Variants in ADAMTS17 observed in about 807,000 individuals in gnomAD.
ADAMTS17 encodes the protein A disintegrin and metalloproteinase with thrombospondin motifs 17.
Under a neutral mutation model 141.5 loss-of-function variants are expected in ADAMTS17, and 113 were observed. That is an observed-to-expected ratio of 0.80 (90% confidence interval 0.69 to 0.93). ADAMTS17 has a LOEUF of 0.93. Ranked by LOEUF, ADAMTS17 falls within the 40% of genes least tolerant of loss-of-function variation. The pLI, the probability that ADAMTS17 is intolerant of heterozygous loss-of-function variation, is 0.00. For synonymous variants in ADAMTS17, 768 were observed against 630.6 expected (o/e 1.22, Z -3.27); for missense variants, 1,659 against 1,517.9 (o/e 1.09, Z -1.54).
At chr15:100,154,697 C>T (rs539512182) in intron 9 of ADAMTS17, among the ~76,000 whole-genome samples, 1 of 152,334 alleles carries the variant, frequency 6.6e-6, no homozygotes, top group African/African-American at 2.4e-5. Context: ...CAGACACCTT[C>T]TGGGAAGAAA....
intron 3 of ADAMTS17, among the ~76,000 whole-genome samples, chr15:100,282,668 A>G (rs959236059): frequency 5.3e-5 from 8 of 152,246 alleles, no homozygotes; most frequent in African/African-American, 1.9e-4. Flanking sequence ...ATAAGAGGTA[A>G]CCACTGTATT....
rs971272803 is a variant in ADAMTS17 at position 100,071,457 on chromosome 15, C to T, written c.2138-17403G>A. Among the ~76,000 whole-genome samples the T allele has an allele frequency of 1.9e-4, 28 of 149,576 alleles. 1 individual carries two copies. The highest frequency in any genetic ancestry group is 3.3e-4 in the Non-Finnish European group (22 of 67,274). On this transcript the variant is annotated intron_variant, in intron 15 of 21. Coordinates refer to ENST00000268070, the MANE Select transcript of ADAMTS17 (RefSeq NM_139057.4). ...ACAACAAAAAAAGAGAATTTTAGACCAATATCCCTGATGAACATTGATGCA... is the reference window on the plus strand; with the variant it reads ...ACAACAAAAAAAGAGAATTTTAGACTAATATCCCTGATGAACATTGATGCA...
chr15:100,056,647 C>T (rs561578388), intron 15 of ADAMTS17, among the ~76,000 whole-genome samples: 18 of 152,302 alleles, frequency 1.2e-4, no homozygotes, highest in African/African-American at 3.8e-4. Context: ...AGGGCACTCA[C>T]CTGCTGCTGT....
intron 10 of ADAMTS17, among the ~76,000 whole-genome samples, chr15:100,152,343 CTG>C (rs763821018): frequency 6.6e-5 from 10 of 152,042 alleles, no homozygotes; most frequent in Admixed American, 1.3e-4. Flanking sequence ...GTGTGGGGGA[CTG>C]TGTGTAGATG....
intron 18 of ADAMTS17, among the ~76,000 whole-genome samples, chr15:100,032,684 T>C (rs112017325): frequency 0.011 from 1,716 of 152,330 alleles, 36 homozygotes; most frequent in African/African-American, 0.039. Flanking sequence ...GGCTGTACTG[T>C]TTTTAAAATG....
Position 100,133,163 on chromosome 15 carries a change from C to T in ADAMTS17, c.1575+51G>A, listed in dbSNP as rs1301942323. The T allele has an allele frequency of 4.7e-6, 7 of 1,497,260 alleles. No individual in the cohort carries two copies. In the Admixed American group the frequency reaches 9.8e-5, roughly 21 times the overall value. The allele number at this position is 1,497,260 out of a possible 1,614,324, so 92.7% of individuals were successfully genotyped here. A position where few individuals can be genotyped will look rare whatever the true frequency, so the allele number is the denominator to read the frequency against. ...TGTGTGTCAGAAGAGGTGCCAGTTG[C>T]CTGCAAGATGTGGAGCTGCCTGTTG... is the stretch of plus-strand genomic sequence containing the variant. On this transcript the variant is annotated intron_variant, in intron 11 of 21. Coordinates refer to ENST00000268070, the MANE Select transcript of ADAMTS17 (RefSeq NM_139057.4).
At chr15:100,048,788 C>T in intron 18 of ADAMTS17, 69 bp downstream of exon 18, 1 of 1,609,730 alleles carries the variant, frequency 6.2e-7, no homozygotes, top group Non-Finnish European at 8.5e-7. Flanking sequence ...CTGCATATCA[C>T]TCCCCACCAC....
chr15:100,080,430 C>T (rs1006142173), intron 15 of ADAMTS17, among the ~76,000 whole-genome samples: 1 of 152,074 alleles, frequency 6.6e-6, no homozygotes. Context: ...TCCATTAGGG[C>T]GTCTCTTAGT....
At chr15:99,982,479 G>A (rs963645255) in intron 20 of ADAMTS17, among the ~76,000 whole-genome samples, 5 of 152,290 alleles carry the variant, frequency 3.3e-5, no homozygotes, top group East Asian at 3.9e-4. Flanking sequence ...CGACACCCTC[G>A]TAACCTGAGC....
intron 3 of ADAMTS17, among the ~76,000 whole-genome samples, chr15:100,318,128 T>C (rs1394598586): frequency 1.3e-5 from 2 of 152,136 alleles, no homozygotes; most frequent in Non-Finnish European, 2.9e-5. Flanking sequence ...TTTCAGATGA[T>C]GAGACGATGA....
At chr15:100,267,190 C>T (rs1363390894) in intron 4 of ADAMTS17, among the ~76,000 whole-genome samples, 1 of 151,948 alleles carries the variant, frequency 6.6e-6, no homozygotes, top group East Asian at 1.9e-4. Context: ...TACTTTGTTT[C>T]TATGACTTGG....
chr15:100,179,484 G>A (rs939384792), intron 8 of ADAMTS17, among the ~76,000 whole-genome samples: 26 of 152,098 alleles, frequency 1.7e-4, no homozygotes, highest in African/African-American at 6.3e-4. Flanking sequence ...CTTGGCTATT[G>A]TGACTAGTGC....
intron 3 of ADAMTS17, among the ~76,000 whole-genome samples, chr15:100,323,741 G>A (rs184633972): frequency 6.6e-6 from 1 of 152,296 alleles, no homozygotes; most frequent in Non-Finnish European, 1.5e-5. Flanking sequence ...AACTAGATTT[G>A]CATTTATTAA....
chr15:100,249,161 G>C (rs1427929734), intron 7 of ADAMTS17, among the ~76,000 whole-genome samples: 1 of 152,192 alleles, frequency 6.6e-6, no homozygotes, highest in Non-Finnish European at 1.5e-5. Context: ...CAGTACAGAG[G>C]AGTGTGGTGA....
At chr15:100,136,055 A>G (rs1261919070) in intron 10 of ADAMTS17, among the ~76,000 whole-genome samples, 1 of 152,242 alleles carries the variant, frequency 6.6e-6, no homozygotes, top group African/African-American at 2.4e-5. Flanking sequence ...ACATTCTAAT[A>G]CCCAGCAATT....
rs2060280804 is a variant in ADAMTS17 at position 99,974,563 on chromosome 15, C to T, written c.3128-1G>A. 1 of 1,614,206 alleles carries T rather than the reference C, an allele frequency of 6.2e-7. No homozygotes were observed. Among genetic ancestry groups the T allele is most frequent in the Non-Finnish European group, 8.5e-7 (1 of 1,180,034 alleles). On this transcript the variant is annotated splice_acceptor_variant, in intron 21 of 21. Transcript: ENST00000268070. LOFTEE classifies it high-confidence loss of function. Reference sequence around the variant, plus strand: ...CGTGTGCATTTGTAGGTCAGAGCAGCTAAGGGGATAGGAGAGAGAATACCC... The same window carrying T: ...CGTGTGCATTTGTAGGTCAGAGCAGTTAAGGGGATAGGAGAGAGAATACCC...
chr15:100,042,085 A>T (rs1157720138), intron 18 of ADAMTS17, among the ~76,000 whole-genome samples: 3 of 152,154 alleles, frequency 2.0e-5, no homozygotes, highest in Non-Finnish European at 4.4e-5. Flanking sequence ...CATCTGAAAC[A>T]GCCATTTGTA....
chr15:100,248,673 A>G (rs2043059871), intron 7 of ADAMTS17, among the ~76,000 whole-genome samples: 1 of 152,200 alleles, frequency 6.6e-6, no homozygotes, highest in African/African-American at 2.4e-5. Context: ...CCTGCCTTAC[A>G]GTGACTTCCT....
At chr15:100,099,999 T>G (rs8027190) in intron 14 of ADAMTS17, among the ~76,000 whole-genome samples, 2 of 152,048 alleles carry the variant, frequency 1.3e-5, no homozygotes, top group Non-Finnish European at 2.9e-5. Flanking sequence ...TCACACCTAG[T>G]GGACGTGTCT....
Sources: allele counts gnomAD v4.1 joint callset (sites outside exome capture counted in the v4.1 genomes callset), GRCh38; gene constraint gnomAD v4.1.1; transcripts MANE v1.5; gene names NCBI Gene and HGNC (gene_info 2026-07-23, HGNC 2026-07-21).